Variants in CLEC16A observed in about 807,000 individuals in gnomAD.
CLEC16A encodes the protein C-type lectin domain containing 16A.
A neutral mutation model predicts 109.5 loss-of-function variants in CLEC16A; 51 were observed. That is an observed-to-expected ratio of 0.47 (90% confidence interval 0.37 to 0.59). CLEC16A has a LOEUF of 0.59. Among genes scored for constraint, CLEC16A ranks in the 20% least tolerant of loss-of-function variants. The probability of loss-of-function intolerance (pLI) is 0.00; values close to 1 mark genes in which losing one functional copy is unlikely to be tolerated. For missense variants in CLEC16A, 1,339 were observed against 1,394.0 expected (o/e 0.96, Z 0.63); for synonymous variants, 673 against 564.2 (o/e 1.19, Z -2.73).
chr16:11,038,886 C>T (rs150507814), intron 13 of CLEC16A, among the ~76,000 whole-genome samples: 122 of 152,302 alleles, frequency 8.0e-4, no homozygotes, highest in African/African-American at 2.9e-3. Context: ...ATGTCACCCT[C>T]AGGGGCAGGC....
intron 19 of CLEC16A, among the ~76,000 whole-genome samples, chr16:11,068,465 A>T (rs759677719): frequency 6.6e-6 from 1 of 152,234 alleles, no homozygotes; most frequent in Non-Finnish European, 1.5e-5. Context: ...GCTCCTCTTC[A>T]TGGGAGTGAA....
intron 13 of CLEC16A, chr16:11,027,477 AT>A (rs1230315301): frequency 6.3e-7 from 1 of 1,583,518 alleles, no homozygotes; most frequent in African/African-American, 1.3e-5. Context: ...CCGAGAACTC[AT>A]TTTGAAACGT....
intron 19 of CLEC16A, among the ~76,000 whole-genome samples, chr16:11,107,878 TG>T (rs2152995662): frequency 6.6e-6 from 1 of 152,366 alleles, no homozygotes; most frequent in Admixed American, 6.5e-5. Flanking sequence ...ACTGTCCTCC[TG>T]GGCTGTTGAT....
At chr16:11,085,690 G>C (rs1272530848) in intron 19 of CLEC16A, among the ~76,000 whole-genome samples, 1 of 152,242 alleles carries the variant, frequency 6.6e-6, no homozygotes, top group Non-Finnish European at 1.5e-5. Flanking sequence ...CCCACTGTGT[G>C]GGACTCTGGT....
At chr16:11,122,143 A>C (rs1353383388) in intron 20 of CLEC16A, among the ~76,000 whole-genome samples, 1 of 152,156 alleles carries the variant, frequency 6.6e-6, no homozygotes, top group Non-Finnish European at 1.5e-5. Flanking sequence ...GCCTTGCCGC[A>C]GCCTGACCTG....
rs900560131 is a variant in CLEC16A at position 10,962,639 on chromosome 16, G to C, written c.343+51G>C. 3.1e-6 allele frequency: 5 copies of C among 1,595,768 alleles called. No individual in the cohort carries two copies. In the African/African-American group the frequency reaches 6.7e-5, roughly 22 times the overall value. ...TCTGTGCTGCTGTGCATGTAGCAGG[G>C]TGAAGTTGGGCGTGGTTTTCTGTGT... On this transcript the variant is annotated intron_variant, in intron 3 of 23. Transcript: ENST00000409790.
rs76518417 is a variant in CLEC16A, at chr16:10,984,120, C to A, written c.1071+1129C>A. Among the ~76,000 whole-genome samples the A allele has an allele frequency of 7.5e-3, 1,149 of 152,204 alleles. 16 individuals are homozygous for A. The highest frequency in any genetic ancestry group is 9.5e-3 in the Non-Finnish European group (646 of 67,990). ...AGGCTGGTAAAAGGGCCAGCTCGCCCTGGGGTAGTAGATTTGCTGCCCCAC... is the reference window on the plus strand; with the variant it reads ...AGGCTGGTAAAAGGGCCAGCTCGCCATGGGGTAGTAGATTTGCTGCCCCAC... On this transcript the variant is annotated intron_variant, in intron 10 of 23. Transcript: ENST00000409790.
intron 19 of CLEC16A, among the ~76,000 whole-genome samples, chr16:11,097,933 C>T (rs867041531): frequency 5.3e-5 from 8 of 152,320 alleles, no homozygotes; most frequent in East Asian, 1.9e-4. Context: ...GGCCCACGGG[C>T]GACAGGTGTA....
At chr16:11,149,771 A>G (rs941730844) in intron 22 of CLEC16A, 1 of 144,136 alleles carries the variant, frequency 6.9e-6, no homozygotes, top group African/African-American at 2.7e-5. Flanking sequence ...CCTGGGTGAC[A>G]AAGTGAGACT....
intron 10 of CLEC16A, among the ~76,000 whole-genome samples, chr16:11,001,197 T>A (rs1217840410): frequency 6.6e-6 from 1 of 152,208 alleles, no homozygotes; most frequent in Non-Finnish European, 1.5e-5. Flanking sequence ...GCGATCCTTC[T>A]ACCTCAGCCT....
chr16:11,051,323 A>G (rs2047928137), intron 17 of CLEC16A, among the ~76,000 whole-genome samples, 190 bp from the exon 18 acceptor site: 1 of 152,172 alleles, frequency 6.6e-6, no homozygotes, highest in South Asian at 2.1e-4. Flanking sequence ...CAATTTAGAA[A>G]ACCAAAAGGC....
intron 1 of CLEC16A, among the ~76,000 whole-genome samples, chr16:10,948,038 C>A (rs573902098): frequency 6.6e-6 from 1 of 151,988 alleles, no homozygotes; most frequent in Non-Finnish European, 1.5e-5. Context: ...GGACTACAGG[C>A]GCCCGCCACC....
At chr16:11,016,483 G>C (rs919469417) in intron 11 of CLEC16A, among the ~76,000 whole-genome samples, 1 of 151,890 alleles carries the variant, frequency 6.6e-6, no homozygotes, top group Admixed American at 6.6e-5. Context: ...CCAGTAGTTG[G>C]GATTACAGGC....
intron 14 of CLEC16A, 93 bp downstream of exon 14, chr16:11,039,969 C>A: frequency 6.9e-7 from 1 of 1,455,634 alleles, no homozygotes; most frequent in Non-Finnish European, 9.1e-7. Context: ...TAGGCCTGAG[C>A]CTTCTGAGAA....
intron 10 of CLEC16A, among the ~76,000 whole-genome samples, chr16:10,990,041 C>T (rs2043910546): frequency 6.6e-6 from 1 of 152,158 alleles, no homozygotes; most frequent in Non-Finnish European, 1.5e-5. Context: ...GGTTCCAAGG[C>T]GCGCACATTC....
intron 1 of CLEC16A, among the ~76,000 whole-genome samples, chr16:10,957,214 A>G (rs1166329393): frequency 6.6e-6 from 1 of 152,186 alleles, no homozygotes; most frequent in African/African-American, 2.4e-5. Flanking sequence ...ACTGCACTTG[A>G]GAAGGATTGT....
chr16:11,126,143 C>A lies in CLEC16A; in HGVS notation c.2638C>A (p.Pro880Thr). ...RSVFASVDKV[P>T]GFAVAQCINQ... ...CGTGTTTGCATCGGTGGACAAGGTG[C>A]CAGGTGAGCCAGCCCCCCGCCCTGC... The change falls in exon 22 of 24, where the codon CCA becomes ACA. Residue 880 changes from proline to threonine, a missense_variant. Coordinates refer to ENST00000409790, the MANE Select transcript of CLEC16A (RefSeq NM_015226.3). The A allele has an allele frequency of 1.2e-6, 2 of 1,613,688 alleles. No homozygotes were observed. The highest frequency in any genetic ancestry group is 1.7e-6 in the Non-Finnish European group (2 of 1,179,866).
intron 22 of CLEC16A, among the ~76,000 whole-genome samples, chr16:11,134,076 T>C (rs2053411165): frequency 6.6e-6 from 1 of 152,072 alleles, no homozygotes; most frequent in Admixed American, 6.6e-5. Flanking sequence ...GAAAGTGGCC[T>C]ACCCAAGGTC....
intron 19 of CLEC16A, among the ~76,000 whole-genome samples, chr16:11,102,064 C>T (rs1187936547): frequency 6.6e-6 from 1 of 151,428 alleles, no homozygotes; most frequent in African/African-American, 2.4e-5. Context: ...CTGCCTACCT[C>T]AGCCTCCCAA....
Sources: gnomAD v4.1 joint callset for allele counts (sites outside exome capture counted in the v4.1 genomes callset) on GRCh38, gnomAD v4.1.1 for gene constraint, MANE v1.5 for transcripts, NCBI Gene and HGNC (gene_info 2026-07-23, HGNC 2026-07-21) for gene names.